Variants in SUGCT observed in about 807,000 individuals in gnomAD.
SUGCT encodes the protein succinyl-CoA:glutarate-CoA transferase.
SUGCT carries 41 observed loss-of-function variants against 55.0 expected under a neutral mutation model. The observed-to-expected ratio is 0.74, with a 90% CI of 0.58 to 0.97. SUGCT has a LOEUF of 0.97. Among genes scored for constraint, SUGCT ranks in the 50% least tolerant of loss-of-function variants. The pLI, the probability that SUGCT is intolerant of heterozygous loss-of-function variation, is 0.00. For missense variants in SUGCT, 568 were observed against 547.8 expected (o/e 1.04, Z -0.37); for synonymous variants, 187 against 200.4 (o/e 0.93, Z 0.56).
intron 1 of SUGCT, among the ~76,000 whole-genome samples, chr7:40,170,936 C>T (rs1267156495): frequency 1.3e-5 from 2 of 152,156 alleles, no homozygotes; most frequent in African/African-American, 4.8e-5. Context: ...GCATACCCGA[C>T]ATTGCCTTTG....
chr7:40,242,835 T>C (rs1300494241), intron 7 of SUGCT, among the ~76,000 whole-genome samples: 1 of 143,620 alleles, frequency 7.0e-6, no homozygotes, highest in Non-Finnish European at 1.5e-5. Context: ...ACTTTATGCA[T>C]AGAACAGGCC....
At chr7:40,516,240 G>C (rs1793224570) in intron 12 of SUGCT, among the ~76,000 whole-genome samples, 1 of 152,094 alleles carries the variant, frequency 6.6e-6, no homozygotes, top group Non-Finnish European at 1.5e-5. Flanking sequence ...GAGTTCTTGA[G>C]AGCATCTGGA....
intron 12 of SUGCT, among the ~76,000 whole-genome samples, chr7:40,518,112 GC>G (rs1469459151): frequency 6.6e-6 from 1 of 151,978 alleles, no homozygotes; most frequent in Non-Finnish European, 1.5e-5. Context: ...ATTCACTCAA[GC>G]CTACAGTATA....
downstream of SUGCT, among the ~76,000 whole-genome samples, chr7:40,864,771 T>G (rs536676673): frequency 2.0e-3 from 300 of 151,860 alleles, 1 homozygote; most frequent in African/African-American, 6.9e-3. Flanking sequence ...AAGGACACAT[T>G]TCCTTGGAAG....
intron 12 of SUGCT, among the ~76,000 whole-genome samples, chr7:40,665,982 G>C (rs751419007): frequency 2.8e-4 from 43 of 152,036 alleles, no homozygotes; most frequent in Non-Finnish European, 7.4e-5. Context: ...CCTCTGTATA[G>C]GGTAGAGAGA....
intron 1 of SUGCT, among the ~76,000 whole-genome samples, chr7:40,167,173 A>G (rs1784463162): frequency 6.6e-6 from 1 of 152,224 alleles, no homozygotes; most frequent in Non-Finnish European, 1.5e-5. Flanking sequence ...CAAATGTGGT[A>G]TATCCATACA....
intron 13 of SUGCT, chr7:40,775,727 G>A (rs1449180297): frequency 6.6e-6 from 1 of 152,146 alleles, no homozygotes; most frequent in Non-Finnish European, 1.5e-5. Context: ...GATTATTTCT[G>A]CATCTTATCT....
the SUGCT span, among the ~76,000 whole-genome samples, chr7:41,021,276 G>A: frequency 6.6e-6 from 1 of 151,932 alleles, no homozygotes; most frequent in South Asian, 2.1e-4. Context: ...TGAAATCCTT[G>A]GTACTTTGAA....
chr7:40,771,007 T>C (rs1789071879), intron 13 of SUGCT, among the ~76,000 whole-genome samples: 1 of 152,132 alleles, frequency 6.6e-6, no homozygotes, highest in South Asian at 2.1e-4. Context: ...CCCTGAAAAA[T>C]TTCCAGATGC....
chr7:40,248,902 ACACACACG>A (rs983899761), intron 7 of SUGCT, among the ~76,000 whole-genome samples: 17 of 126,342 alleles, frequency 1.3e-4, no homozygotes, highest in East Asian at 5.6e-4. Flanking sequence ...ACACACACAC[ACACACACG>A]CACACACACA....
intron 12 of SUGCT, among the ~76,000 whole-genome samples, chr7:40,570,880 G>GTTTTTTTTTTT (rs1245766192): frequency 1.7e-5 from 1 of 57,834 alleles, no homozygotes; most frequent in African/African-American, 9.2e-5. Flanking sequence ...TTTTTTTTCA[G>GTTTTTTTTTTT]TTGGAGCTTT....
At chr7:40,524,037 G>A (rs2151580581) in intron 12 of SUGCT, among the ~76,000 whole-genome samples, 1 of 152,078 alleles carries the variant, frequency 6.6e-6, no homozygotes, top group Admixed American at 6.6e-5. Flanking sequence ...TTCTATAGTA[G>A]CATGGTATTT....
At chr7:40,322,237 G>C (rs911526271) in intron 9 of SUGCT, among the ~76,000 whole-genome samples, 4 of 151,858 alleles carry the variant, frequency 2.6e-5, no homozygotes, top group Admixed American at 2.0e-4. Context: ...CCCATCTTGT[G>C]TCTCTCTCTC....
intron 13 of SUGCT, among the ~76,000 whole-genome samples, chr7:40,779,671 A>G (rs1296455284): frequency 3.3e-5 from 5 of 152,204 alleles, no homozygotes; most frequent in Admixed American, 6.5e-5. Context: ...AACTTTTGTG[A>G]TACTATTTCT....
At chr7:40,832,868 G>C (rs1328106750) in intron 13 of SUGCT, among the ~76,000 whole-genome samples, 1 of 151,978 alleles carries the variant, frequency 6.6e-6, no homozygotes, top group African/African-American at 2.4e-5. Flanking sequence ...TAGAGACGGG[G>C]TGTCACCATG....
intron 9 of SUGCT, among the ~76,000 whole-genome samples, chr7:40,424,580 G>T (rs1287667151): frequency 6.6e-6 from 1 of 152,148 alleles, no homozygotes. Flanking sequence ...ATATGTTTCA[G>T]TTTCCATACC....
At chr7:40,761,940 CGGAA>C (rs1788553840) in intron 13 of SUGCT, among the ~76,000 whole-genome samples, 2 of 152,146 alleles carry the variant, frequency 1.3e-5, no homozygotes, top group South Asian at 4.1e-4. Flanking sequence ...GCTATGACAG[CGGAA>C]TACCCATGAA....
chr7:40,993,308 T>C, the SUGCT span, among the ~76,000 whole-genome samples: 23 of 152,092 alleles, frequency 1.5e-4, no homozygotes, highest in African/African-American at 5.6e-4. Flanking sequence ...CTGTGCACTG[T>C]GTTTGCTCAC....
chr7:40,340,194 T>G (rs954858156), intron 9 of SUGCT, among the ~76,000 whole-genome samples: 1 of 152,142 alleles, frequency 6.6e-6, no homozygotes, highest in Non-Finnish European at 1.5e-5. Context: ...TGAAAAAAGA[T>G]TGTGCATAAG....
Sources: allele counts gnomAD v4.1 joint callset (sites outside exome capture counted in the v4.1 genomes callset), GRCh38; gene constraint gnomAD v4.1.1; transcripts MANE v1.5; gene names NCBI Gene and HGNC (gene_info 2026-07-23, HGNC 2026-07-21).